The following CHST13 variants were observed in gnomAD, a reference collection of about 807,000 sequenced individuals.
CHST13 encodes the protein C4ST-3.
A neutral mutation model predicts 7.0 loss-of-function variants in CHST13; 1 was observed. The observed-to-expected ratio is 0.14, with a 90% CI of 0.05 to 0.68. CHST13 has a LOEUF of 0.68. Ranked by LOEUF, CHST13 falls within the 30% of genes least tolerant of loss-of-function variation. The pLI, the probability that CHST13 is intolerant of heterozygous loss-of-function variation, is 0.82. For synonymous variants in CHST13, 257 were observed against 240.9 expected, an observed-to-expected ratio of 1.07 and a Z score of -0.62; for missense variants, 572 against 507.9, an observed-to-expected ratio of 1.13 and a Z score of -1.21.
Position 126,543,191 on chromosome 3 carries a change from T to A in CHST13, c.*613T>A, listed in dbSNP as rs1055816604. ...CAAGACGCTGGGTCTTCAGGCTCCATGCCAACAGAGCCCCTGGTGCAATGC... is the reference window on the plus strand; with the variant it reads ...CAAGACGCTGGGTCTTCAGGCTCCAAGCCAACAGAGCCCCTGGTGCAATGC... On this transcript the variant is annotated 3_prime_UTR_variant, in exon 3 of 3. Coordinates refer to ENST00000319340, the MANE Select transcript of CHST13 (RefSeq NM_152889.3). 6.6e-6 allele frequency: 1 copy of A among 152,270 alleles called. No homozygotes were observed. Among genetic ancestry groups the A allele is most frequent in the African/African-American group, 2.4e-5 (1 of 41,468 alleles). 9.4% of individuals were successfully genotyped at this position (152,270 alleles called of 1,614,324 possible).
At chr3:126,541,308 C>A (rs1234497770) in intron 2 of CHST13, among the ~76,000 whole-genome samples, 1 of 152,200 alleles carries the variant, frequency 6.6e-6, no homozygotes, top group African/African-American at 2.4e-5. Flanking sequence ...GCCAAAGCAG[C>A]CCGACAGCCC....
intron 1 of CHST13, among the ~76,000 whole-genome samples, chr3:126,533,690 G>A (rs1936705795): frequency 6.6e-6 from 1 of 151,928 alleles, no homozygotes; most frequent in South Asian, 2.1e-4. Flanking sequence ...CCCTTTTCTT[G>A]TGATGTCTTT....
At chr3:126,527,606 T>C (rs1447182601) in intron 1 of CHST13, 2 of 152,466 alleles carry the variant, frequency 1.3e-5, no homozygotes, top group Non-Finnish European at 2.9e-5. Flanking sequence ...TGGACAGGCC[T>C]AGGCCACATG....
At chr3:126,538,800 T>G (rs942401413) in intron 2 of CHST13, among the ~76,000 whole-genome samples, 6 of 152,178 alleles carry the variant, frequency 3.9e-5, no homozygotes, top group Admixed American at 2.0e-4. Context: ...CCATGGTGAG[T>G]GTGGCTAAGT....
intron 2 of CHST13, among the ~76,000 whole-genome samples, chr3:126,540,513 C>G (rs1213136371): frequency 6.6e-6 from 1 of 152,200 alleles, no homozygotes; most frequent in African/African-American, 2.4e-5. Context: ...CTGTACTATT[C>G]GCTTGGCATA....
At chr3:126,541,566 G>A (rs1056829843) in intron 2 of CHST13, among the ~76,000 whole-genome samples, 167 bp from the exon 3 acceptor site, 14 of 152,162 alleles carry the variant, frequency 9.2e-5, no homozygotes, top group Non-Finnish European at 1.6e-4. Flanking sequence ...ACAGATGCCC[G>A]GGCCCTAAAC....
At chr3:126,532,265 T>C (rs750821783) in intron 1 of CHST13, among the ~76,000 whole-genome samples, 1 of 152,258 alleles carries the variant, frequency 6.6e-6, no homozygotes, top group Non-Finnish European at 1.5e-5. Flanking sequence ...TTTTTTAATA[T>C]TGATGTAGTT....
At chr3:126,537,989 G>T (rs1156293671) in intron 2 of CHST13, among the ~76,000 whole-genome samples, 3 of 152,206 alleles carry the variant, frequency 2.0e-5, no homozygotes, top group African/African-American at 7.2e-5. Context: ...GTGCAGCCCC[G>T]GACAGTGGAC....
intron 2 of CHST13, among the ~76,000 whole-genome samples, chr3:126,540,219 C>A (rs1174433537): frequency 2.0e-5 from 3 of 152,246 alleles, no homozygotes; most frequent in African/African-American, 7.2e-5. Context: ...AGCCTTTTTT[C>A]TTAACTGAGA....
At chr3:126,528,481 A>T (rs1340405706) in intron 1 of CHST13, among the ~76,000 whole-genome samples, 1 of 152,196 alleles carries the variant, frequency 6.6e-6, no homozygotes. Flanking sequence ...GGGGGGAACC[A>T]GGGATTGCTG....
intron 1 of CHST13, 26 bp downstream of exon 1, chr3:126,524,455 C>A: frequency 1.1e-6 from 1 of 885,470 alleles, no homozygotes; most frequent in Non-Finnish European, 1.5e-6. Flanking sequence ...CCGAGCCGCG[C>A]ACCCCCAACC....
intron 1 of CHST13, among the ~76,000 whole-genome samples, chr3:126,525,783 G>A (rs1390063081): frequency 6.6e-6 from 1 of 152,184 alleles, no homozygotes; most frequent in African/African-American, 2.4e-5. Context: ...ATCTTTGAGT[G>A]ACTGCATGGA....
At chr3:126,540,640 T>A (rs1936938811) in intron 2 of CHST13, among the ~76,000 whole-genome samples, 1 of 152,254 alleles carries the variant, frequency 6.6e-6, no homozygotes. Flanking sequence ...CAGTGCACAC[T>A]TGGATTTTCT....
chr3:126,536,922 CA>C (rs1362534968), intron 2 of CHST13, among the ~76,000 whole-genome samples: 86 of 151,030 alleles, frequency 5.7e-4, no homozygotes, highest in African/African-American at 1.1e-3. Flanking sequence ...CACACACACA[CA>C]CCCCACACAC....
At chr3:126,533,209 T>C (rs1936694656) in intron 1 of CHST13, among the ~76,000 whole-genome samples, 1 of 152,202 alleles carries the variant, frequency 6.6e-6, no homozygotes, top group Middle Eastern at 3.2e-3. Context: ...CTTTCCAACC[T>C]GGATGCCTTT....
intron 1 of CHST13, among the ~76,000 whole-genome samples, chr3:126,533,353 A>AG (rs1936697579): frequency 6.6e-6 from 1 of 152,114 alleles, no homozygotes; most frequent in Non-Finnish European, 1.5e-5. Context: ...AAGTTATCTG[A>AG]GGGTTTTTCG....
chr3:126,536,103 AC>A (rs1936784295), intron 1 of CHST13, among the ~76,000 whole-genome samples, 167 bp from the exon 2 acceptor site: 2 of 151,946 alleles, frequency 1.3e-5, no homozygotes, highest in South Asian at 4.2e-4. Context: ...CCCCATTAGT[AC>A]CCCCTGCCAT....
At chr3:126,537,175 C>G (rs1164359587) in intron 2 of CHST13, among the ~76,000 whole-genome samples, 1 of 152,138 alleles carries the variant, frequency 6.6e-6, no homozygotes, top group Admixed American at 6.5e-5. Flanking sequence ...TGGGGGAGAG[C>G]AACTCCTCTC....
chr3:126,540,997 G>T (rs1576237235), intron 2 of CHST13, among the ~76,000 whole-genome samples: 1 of 152,224 alleles, frequency 6.6e-6, no homozygotes, highest in Non-Finnish European at 1.5e-5. Context: ...AAGAACCCCG[G>T]GTGGGGCAGG....
Sources: gnomAD v4.1 joint callset for allele counts (sites outside exome capture counted in the v4.1 genomes callset) on GRCh38, gnomAD v4.1.1 for gene constraint, MANE v1.5 for transcripts, NCBI Gene and HGNC (gene_info 2026-07-23, HGNC 2026-07-21) for gene names.